RSRP1: variants seen among roughly 807,000 people sequenced by gnomAD.
RSRP1 encodes arginine and serine rich protein 1.
RSRP1 carries 37 observed loss-of-function variants against 33.0 expected under a neutral mutation model. The ratio of observed to expected loss-of-function variants is 1.12; its 90% CI spans 0.86 to 1.48. The LOEUF (loss-of-function observed/expected upper bound fraction) is 1.48. Ranked by LOEUF, RSRP1 falls within the 40% of genes most tolerant of loss-of-function variation. The probability of loss-of-function intolerance (pLI) is 0.00; values close to 1 mark genes in which losing one functional copy is unlikely to be tolerated. For synonymous variants in RSRP1, 167 were observed against 158.7 expected, an observed-to-expected ratio of 1.05 and a Z score of -0.40; for missense variants, 402 against 385.3, an observed-to-expected ratio of 1.04 and a Z score of -0.36.
At position 25,282,498 on chromosome 1, in the gene RSRP1, G is replaced by T. The variant is rs1157671281; in HGVS notation, c.-66-35469C>A. Reference sequence around the variant, plus strand: ...TCTGCCCACCTCATCCTCCTAAATTGGTATCTTTATATGTCCAAAAGAGTC... The same window carrying T: ...TCTGCCCACCTCATCCTCCTAAATTTGTATCTTTATATGTCCAAAAGAGTC... On this transcript the variant is annotated intron_variant, in intron 1 of 1. Coordinates refer to the RSRP1 transcript ENST00000561867. 1.5e-5 allele frequency among the ~76,000 whole-genome samples: 2 copies of T among 132,050 alleles called. 1 individual carries two copies. Among genetic ancestry groups the T allele is most frequent in the Non-Finnish European group, 3.6e-5 (2 of 55,868 alleles). 86.6% of individuals were successfully genotyped at this position (132,050 alleles called of 152,430 possible).
intron 1 of RSRP1, among the ~76,000 whole-genome samples, chr1:25,308,025 A>G (rs1643943241): frequency 3.3e-5 from 1 of 30,206 alleles, no homozygotes; most frequent in Admixed American, 4.6e-4. Flanking sequence ...GAGAACAGGC[A>G]GGGGAAGTTA....
chr1:25,296,249 T>C (rs1642947904), intron 1 of RSRP1, among the ~76,000 whole-genome samples: 1 of 127,522 alleles, frequency 7.8e-6, no homozygotes, highest in Admixed American at 7.6e-5. Flanking sequence ...ATTTCTTTTT[T>C]TTTTTTTCTT....
In RSRP1 at chr1:25,256,868, G is replaced by A. The variant is rs147276109; in HGVS notation, c.-66-9839C>T. On this transcript the variant is annotated intron_variant, in intron 1 of 1. Coordinates refer to the RSRP1 transcript ENST00000561867. ...TGGAGTGCATCAGGCATCTCACAATGAGTCCACTCACTTGAACAGTTCTTT... is the reference window on the plus strand; with the variant it reads ...TGGAGTGCATCAGGCATCTCACAATAAGTCCACTCACTTGAACAGTTCTTT... Among the ~76,000 whole-genome samples, 368 of 152,202 alleles carry A rather than the reference G, an allele frequency of 2.4e-3. 2 individuals are homozygous for A. Among genetic ancestry groups the A allele is most frequent in the African/African-American group, 8.5e-3 (352 of 41,538 alleles).
At chr1:25,290,781 A>G (rs369681857) in intron 1 of RSRP1, 1 of 1,376,702 alleles carries the variant, frequency 7.3e-7, no homozygotes, top group African/African-American at 1.4e-5. Flanking sequence ...GTCATCAGTA[A>G]TATCTTCAAC....
chr1:25,245,361 G>T (rs1000314125), intron 2 of RSRP1, 60 bp from the exon 3 acceptor site: 12 of 1,526,722 alleles, frequency 7.9e-6, no homozygotes, highest in Admixed American at 3.7e-5. Context: ...TTTCCCAAGA[G>T]AACTCAGAAT....
At chr1:25,260,863 T>C (rs1640113924) in intron 1 of RSRP1, among the ~76,000 whole-genome samples, 2 of 151,438 alleles carry the variant, frequency 1.3e-5, no homozygotes, top group African/African-American at 4.9e-5. Flanking sequence ...AGTGGCCCGA[T>C]CGATCTCGGC....
chr1:25,289,950 T>C (rs1212632560), intron 1 of RSRP1, among the ~76,000 whole-genome samples: 1 of 130,086 alleles, frequency 7.7e-6, no homozygotes, highest in Admixed American at 7.4e-5. Flanking sequence ...TTTTCAGAAG[T>C]TGGTTCTTTG....
rs577861373 is a variant in RSRP1 at position 25,296,020 on chromosome 1, G to A, written c.-67+41958C>T. Among the ~76,000 whole-genome samples, 6 of 117,212 alleles carry A rather than the reference G, an allele frequency of 5.1e-5. 1 individual carries two copies. Among genetic ancestry groups the A allele is most frequent in the Non-Finnish European group, 6.0e-5 (3 of 49,650 alleles). 76.9% of individuals were successfully genotyped at this position (117,212 alleles called of 152,430 possible). A position where few individuals can be genotyped will look rare whatever the true frequency, so the allele number is the denominator to read the frequency against. On this transcript the variant is annotated intron_variant, in intron 1 of 1. Transcript: ENST00000561867. ...TGAGATTACAGGCACACACCACCAC[G>A]CCTGGCTTACTTTTGTATTTTTAGT...
rs1460416534 is a variant in RSRP1 at position 25,302,363 on chromosome 1, G to A, written c.-67+35615C>T. Among the ~76,000 whole-genome samples, 5 of 128,102 alleles carry A rather than the reference G, an allele frequency of 3.9e-5. 1 individual carries two copies. Among genetic ancestry groups the A allele is most frequent in the Non-Finnish European group, 3.7e-5 (2 of 54,688 alleles). The allele number at this position is 128,102 out of a possible 152,430, so 84.0% of individuals were successfully genotyped here. On this transcript the variant is annotated intron_variant, in intron 1 of 1. Coordinates refer to the RSRP1 transcript ENST00000561867. Reference sequence around the variant, plus strand: ...GTGGTGTCGGAGGGAAGTCTGGACAGACCAGTGGTGGGGCTCGGGTGGGAG... The same window carrying A: ...GTGGTGTCGGAGGGAAGTCTGGACAAACCAGTGGTGGGGCTCGGGTGGGAG...
At chr1:25,312,920 TAAAAAAAAAAAAAAA>T (rs58027687) in intron 1 of RSRP1, among the ~76,000 whole-genome samples, 346 of 6,870 alleles carry the variant, frequency 0.05, 51 homozygotes, top group Admixed American at 0.34. Context: ...ATCCCATCTC[TAAAAAAAAAAAAAAA>T]AAAAAAAAAA....
intron 1 of RSRP1, among the ~76,000 whole-genome samples, chr1:25,312,955 A>AAAAAAAAAAAAT (rs1644244261): frequency 9.1e-6 from 1 of 109,882 alleles, no homozygotes. Flanking sequence ...AAAAAAAAAA[A>AAAAAAAAAAAAT]CTTTAGTGCT....
rs1255403888 is a variant in RSRP1, at chr1:25,319,917, A to T, written c.-67+18061T>A. 1.3e-4 allele frequency among the ~76,000 whole-genome samples: 17 copies of T among 130,574 alleles called. 3 individuals are homozygous for T. The highest frequency in any genetic ancestry group is 2.3e-4 in the Admixed American group (3 of 13,318). 85.7% of individuals were successfully genotyped at this position (130,574 alleles called of 152,430 possible). A position where few individuals can be genotyped will look rare whatever the true frequency, so the allele number is the denominator to read the frequency against. ...GAAATTCTTTTTTTTTTCTTTTTTT[A>T]GACGCAGTTTTGCTCTTGTTGCCCA... On this transcript the variant is annotated intron_variant, in intron 1 of 1. Coordinates refer to the RSRP1 transcript ENST00000561867.
upstream of RSRP1, among the ~76,000 whole-genome samples, chr1:25,248,569 T>C (rs1187459624): frequency 6.6e-6 from 1 of 152,170 alleles, no homozygotes; most frequent in Non-Finnish European, 1.5e-5. Context: ...CTCAGCCTCC[T>C]GAAGTTTTGG....
Position 25,245,190 on chromosome 1 carries a change from CTTGT to C in RSRP1, c.628_631del (p.Thr210AlafsTer4), listed in dbSNP as rs1283702597. 5 of 1,614,060 alleles carry C rather than the reference CTTGT, an allele frequency of 3.1e-6. No homozygotes were observed. The highest frequency in any genetic ancestry group is 2.2e-5 in the South Asian group (2 of 91,070). ...ATTACTTGATACACCTATTCCACGG[CTTGT>C]TTCTTTGGCTGAAGGAACAGTTCTG... On this transcript the variant is annotated frameshift_variant, in exon 3 of 5. Transcript: ENST00000243189. LOFTEE classifies it high-confidence loss of function.
intron 1 of RSRP1, among the ~76,000 whole-genome samples, chr1:25,261,515 T>C (rs1332490704): frequency 4.6e-5 from 7 of 150,964 alleles, no homozygotes; most frequent in African/African-American, 1.2e-4. Flanking sequence ...CGCCATTCTC[T>C]TGCCTCAGTC....
upstream of RSRP1, chr1:25,247,589 C>G (rs1235484036): frequency 6.6e-6 from 1 of 152,356 alleles, no homozygotes; most frequent in African/African-American, 2.4e-5. Flanking sequence ...AAGCCGCGCC[C>G]TGTGCCTCGA....
At chr1:25,244,810 A>C in intron 3 of RSRP1, 1 of 957,038 alleles carries the variant, frequency 1.0e-6, no homozygotes, top group Non-Finnish European at 1.4e-6. Context: ...CAGCCTCCCA[A>C]ACAGCTGGGA....
At chr1:25,286,547 G>A (rs1365774294) in intron 1 of RSRP1, among the ~76,000 whole-genome samples, 1 of 134,940 alleles carries the variant, frequency 7.4e-6, no homozygotes, top group Non-Finnish European at 1.8e-5. Flanking sequence ...AGCACTTTGG[G>A]AGGCCAAGGC....
chr1:25,303,614 C>T (rs1228005347), intron 1 of RSRP1, among the ~76,000 whole-genome samples: 1 of 130,920 alleles, frequency 7.6e-6, no homozygotes, highest in African/African-American at 2.6e-5. Flanking sequence ...CATCCTGGCT[C>T]GGTGGCGCAT....
Sources: allele counts gnomAD v4.1 joint callset (sites outside exome capture counted in the v4.1 genomes callset), GRCh38; gene constraint gnomAD v4.1.1; transcripts MANE v1.5; gene names NCBI Gene and HGNC (gene_info 2026-07-23, HGNC 2026-07-21).